PDE1A: variants seen among roughly 807,000 people sequenced by gnomAD.
PDE1A encodes the protein dual specificity calcium/calmodulin-dependent 3',5'-cyclic nucleotide phosphodiesterase 1A.
Under a neutral mutation model 61.7 loss-of-function variants are expected in PDE1A, and 35 were observed. The observed-to-expected ratio is 0.57, with a 90% CI of 0.43 to 0.75. PDE1A has a LOEUF of 0.75. Ranked by LOEUF, PDE1A falls within the 30% of genes least tolerant of loss-of-function variation. The probability of loss-of-function intolerance (pLI) is 0.00; values close to 1 mark genes in which losing one functional copy is unlikely to be tolerated. For missense variants in PDE1A, 597 were observed against 630.6 expected, an observed-to-expected ratio of 0.95 and a Z score of 0.57; for synonymous variants, 232 against 213.2, an observed-to-expected ratio of 1.09 and a Z score of -0.77.
chr2:182,209,773 A>G (rs1687425355), intron 7 of PDE1A, among the ~76,000 whole-genome samples: 1 of 152,022 alleles, frequency 6.6e-6, no homozygotes, highest in Non-Finnish European at 1.5e-5. Flanking sequence ...CCACGACTGT[A>G]AGTTTCCTGA....
chr2:182,605,466 C>T, the PDE1A span, among the ~76,000 whole-genome samples: 2 of 152,216 alleles, frequency 1.3e-5, no homozygotes, highest in South Asian at 4.1e-4. Context: ...TCCTTCATAA[C>T]TGTGGAAACA....
chr2:182,250,758 G>C (rs1169970913), intron 2 of PDE1A, among the ~76,000 whole-genome samples: 1 of 152,114 alleles, frequency 6.6e-6, no homozygotes, highest in Non-Finnish European at 1.5e-5. Flanking sequence ...TGGCGTAAAT[G>C]AGGTCAAGTA....
chr2:182,285,672 C>T (rs925640356), intron 1 of PDE1A, among the ~76,000 whole-genome samples: 15 of 152,096 alleles, frequency 9.9e-5, no homozygotes, highest in African/African-American at 3.6e-4. Context: ...GCCTTAAATG[C>T]AGCAGCTTGG....
chr2:182,402,242 G>T (rs573638741), intron 1 of PDE1A, among the ~76,000 whole-genome samples: 107 of 152,094 alleles, frequency 7.0e-4, no homozygotes, highest in Non-Finnish European at 1.3e-3. Context: ...AAAGAAAAAA[G>T]CTGGAGGCAT....
chr2:182,687,429 G>A, the PDE1A span, among the ~76,000 whole-genome samples: 1 of 152,170 alleles, frequency 6.6e-6, no homozygotes, highest in Non-Finnish European at 1.5e-5. Context: ...ACAGCGTCTG[G>A]AGTGGACCTC....
At chr2:182,554,034 G>A in the PDE1A span, among the ~76,000 whole-genome samples, 2 of 152,254 alleles carry the variant, frequency 1.3e-5, no homozygotes, top group African/African-American at 4.8e-5. Context: ...TTGTATTTCA[G>A]TAGATAACTC....
intron 4 of PDE1A, among the ~76,000 whole-genome samples, chr2:182,233,206 G>A (rs966932430): frequency 6.6e-5 from 10 of 152,148 alleles, no homozygotes; most frequent in African/African-American, 1.9e-4. Flanking sequence ...CTCAAGAACC[G>A]AGGAATGATT....
At chr2:182,627,051 A>G in the PDE1A span, among the ~76,000 whole-genome samples, 1 of 14,912 alleles carries the variant, frequency 6.7e-5, no homozygotes, top group African/African-American at 1.9e-4. Context: ...TTATTTATAT[A>G]TAAAATATAA....
intron 2 of PDE1A, among the ~76,000 whole-genome samples, chr2:182,456,802 C>T (rs142913005): frequency 2.2e-3 from 335 of 152,134 alleles, no homozygotes; most frequent in Middle Eastern, 3.4e-3. Flanking sequence ...AAAAAATGTG[C>T]GTGTGTGTTT....
rs1690427025 is a variant in PDE1A at position 182,519,495 on chromosome 2, T to C, written c.101+2781A>G. On this transcript the variant is annotated intron_variant, in intron 2 of 14. Coordinates refer to the PDE1A transcript ENST00000410103. ...AGAGAAGTCTACATCAGAATGGGAG[T>C]AAGAAACTGTTTCACCTTTCTTGTC... Among the ~76,000 whole-genome samples the C allele has an allele frequency of 2.6e-5, 4 of 151,848 alleles. No homozygotes were observed. The South Asian group carries it at 8.3e-4, about 32-fold the overall frequency.
intron 7 of PDE1A, among the ~76,000 whole-genome samples, chr2:182,207,616 A>T (rs927369459): frequency 7.2e-5 from 11 of 152,130 alleles, no homozygotes; most frequent in African/African-American, 2.4e-4. Context: ...GAAAAGAAAA[A>T]CCCATTTTCT....
chr2:182,454,618 A>T (rs1214888602), intron 2 of PDE1A, among the ~76,000 whole-genome samples: 1 of 151,788 alleles, frequency 6.6e-6, no homozygotes, highest in African/African-American at 2.4e-5. Context: ...AATGCCGCAT[A>T]TCTACAACCA....
At chr2:182,199,523 T>TTAAGA (rs1387013048) in intron 10 of PDE1A, among the ~76,000 whole-genome samples, 1 of 152,092 alleles carries the variant, frequency 6.6e-6, no homozygotes, top group Non-Finnish European at 1.5e-5. Context: ...ATCATTCAAC[T>TTAAGA]TAAGATATTT....
intron 1 of PDE1A, among the ~76,000 whole-genome samples, chr2:182,335,164 T>A (rs1697711735): frequency 6.6e-6 from 1 of 152,104 alleles, no homozygotes; most frequent in Non-Finnish European, 1.5e-5. Flanking sequence ...ATAGGAAGAA[T>A]CAATATCATG....
chr2:182,294,432 CAT>C (rs1459052288), intron 1 of PDE1A, among the ~76,000 whole-genome samples: 9 of 152,154 alleles, frequency 5.9e-5, no homozygotes, highest in East Asian at 1.9e-4. Flanking sequence ...ATTAATAACT[CAT>C]ATGAGTTTTA....
intron 1 of PDE1A, among the ~76,000 whole-genome samples, chr2:182,369,658 A>T (rs1276560285): frequency 3.9e-5 from 6 of 152,174 alleles, no homozygotes; most frequent in Non-Finnish European, 7.4e-5. Flanking sequence ...GATGAGAAGA[A>T]AAAGAGACTC....
At chr2:182,681,744 C>G in the PDE1A span, among the ~76,000 whole-genome samples, 1 of 152,102 alleles carries the variant, frequency 6.6e-6, no homozygotes. Context: ...CTTCCGGGTT[C>G]CCACTATTCT....
intron 1 of PDE1A, among the ~76,000 whole-genome samples, chr2:182,299,558 T>C (rs1003554466): frequency 6.6e-6 from 1 of 150,776 alleles, no homozygotes; most frequent in Non-Finnish European, 1.5e-5. Flanking sequence ...CTCACCATTC[T>C]GGACCTGCAA....
At chr2:182,483,060 T>C (rs1399100421) in intron 2 of PDE1A, among the ~76,000 whole-genome samples, 1 of 151,856 alleles carries the variant, frequency 6.6e-6, no homozygotes, top group Admixed American at 6.6e-5. Flanking sequence ...CAAAAATACT[T>C]TGAAACAATA....
Sources: allele counts gnomAD v4.1 joint callset (sites outside exome capture counted in the v4.1 genomes callset), GRCh38; gene constraint gnomAD v4.1.1; transcripts MANE v1.5; gene names NCBI Gene and HGNC (gene_info 2026-07-23, HGNC 2026-07-21).